Variants in ZNF197 observed in about 807,000 individuals in gnomAD.
ZNF197 encodes the protein zinc finger protein 197.
Under a neutral mutation model 27.4 loss-of-function variants are expected in ZNF197, and 14 were observed. The observed-to-expected ratio is 0.51, with a 90% CI of 0.34 to 0.80. The LOEUF (loss-of-function observed/expected upper bound fraction) is 0.80. Ranked by LOEUF, ZNF197 falls within the 30% of genes least tolerant of loss-of-function variation. The probability of loss-of-function intolerance (pLI) is 0.02; values close to 1 mark genes in which losing one functional copy is unlikely to be tolerated. For missense variants in ZNF197, 1,090 were observed against 1,222.6 expected (o/e 0.89, Z 1.62); for synonymous variants, 415 against 420.0 (o/e 0.99, Z 0.15).
rs1702912754 is a variant in ZNF197 at position 44,645,639 on chromosome 3, C to T, written c.*1419C>T. The T allele has an allele frequency of 4.1e-6, 4 of 985,212 alleles. No homozygotes were observed. Among genetic ancestry groups the T allele is most frequent in the South Asian group, 4.7e-5 (1 of 21,284 alleles). 61.0% of individuals were successfully genotyped at this position (985,212 alleles called of 1,614,324 possible). A position where few individuals can be genotyped will look rare whatever the true frequency, so the allele number is the denominator to read the frequency against. On this transcript the variant is annotated 3_prime_UTR_variant, in exon 6 of 6. Coordinates refer to ENST00000344387, the MANE Select transcript of ZNF197 (RefSeq NM_006991.5). ...TTCAGAGGGAAAAAAATCCTTGACCCGCAGTTGAGCTGATGATCCCTGCCA... is the reference window on the plus strand; with the variant it reads ...TTCAGAGGGAAAAAAATCCTTGACCTGCAGTTGAGCTGATGATCCCTGCCA...
At position 44,641,919 on chromosome 3, in the gene ZNF197, G is replaced by T; in HGVS notation, c.789G>T (p.Glu263Asp). Residue 263 changes from glutamate to aspartate, a missense_variant, in exon 6 of 6, where the codon GAG (glutamate) becomes GAT (aspartate). By Grantham distance (45) the Glu-to-Asp change is conservative. Coordinates refer to ENST00000344387, the MANE Select transcript of ZNF197 (RefSeq NM_006991.5). ...VTSLEWETMT[E>D]NEEVTSKPSS... Reference sequence around the variant, plus strand: ...TACCAGAATGGGAGACCATGACCGAGAATGAGGAGGTGACATCAAAGCCAA... The same window carrying T: ...TACCAGAATGGGAGACCATGACCGATAATGAGGAGGTGACATCAAAGCCAA... 6.3e-7 allele frequency: 1 copy of T among 1,599,238 alleles called. No homozygotes were observed. The highest frequency in any genetic ancestry group is 1.1e-5 in the South Asian group (1 of 88,606).
intron 5 of ZNF197, among the ~76,000 whole-genome samples, chr3:44,637,392 T>C (rs922043061): frequency 1.3e-5 from 2 of 152,186 alleles, no homozygotes; most frequent in Non-Finnish European, 1.5e-5. Context: ...CCTCCCCAAG[T>C]GTTGGCATTA....
rs1331859437 is a variant in ZNF197 at position 44,643,230 on chromosome 3, C to G, written c.2100C>G (p.His700Gln). ...NRNLIDHERL[H>Q]NGEKPYECRE... ...ACCTCATTGACCATGAGAGACTCCA[C>G]AATGGGGAGAAGCCATATGAATGTC... The change falls in exon 6 of 6, where the codon CAC becomes CAG. Residue 700 changes from histidine to glutamine, a missense_variant. Coordinates refer to ENST00000344387, the MANE Select transcript of ZNF197 (RefSeq NM_006991.5). 1.2e-6 allele frequency: 2 copies of G among 1,613,948 alleles called. No individual in the cohort carries two copies. Among genetic ancestry groups the G allele is most frequent in the Non-Finnish European group, 1.7e-6 (2 of 1,180,034 alleles).
rs2125833516 is a variant in ZNF197 at position 44,648,123 on chromosome 3, T to C, written c.*3903T>C. ...AACCAACTAAAGTGTGTGAAACTGA[T>C]TTGAAAAAAAGTTATAAAATACATG... On this transcript the variant is annotated 3_prime_UTR_variant, in exon 6 of 6. Coordinates refer to ENST00000344387, the MANE Select transcript of ZNF197 (RefSeq NM_006991.5). 6.6e-6 allele frequency: 1 copy of C among 152,230 alleles called. No homozygotes were observed. The highest frequency in any genetic ancestry group is 2.1e-4 in the South Asian group (1 of 4,824). 9.4% of individuals were successfully genotyped at this position (152,230 alleles called of 1,614,324 possible).
chr3:44,639,204 TC>T (rs1296477497), intron 5 of ZNF197, among the ~76,000 whole-genome samples: 3 of 152,226 alleles, frequency 2.0e-5, no homozygotes, highest in Non-Finnish European at 2.9e-5. Flanking sequence ...TCTTTTTATG[TC>T]CTGCTAGATT....
At chr3:44,628,459 A>T (rs542639868) in intron 1 of ZNF197, among the ~76,000 whole-genome samples, 7 of 152,380 alleles carry the variant, frequency 4.6e-5, no homozygotes, top group Non-Finnish European at 8.8e-5. Context: ...AAAGGCATGT[A>T]GAGCAAAACT....
Position 44,646,526 on chromosome 3 carries a change from A to G in ZNF197, c.*2306A>G, listed in dbSNP as rs765947616. On this transcript the variant is annotated 3_prime_UTR_variant, in exon 6 of 6. Transcript: ENST00000344387. ...ATACAGGAGGCAGAGGAACAAATAA[A>G]AGACACCACGAGAAACAGACACATC... The G allele has an allele frequency of 6.9e-7, 1 of 1,451,710 alleles. No homozygotes were observed. Among genetic ancestry groups the G allele is most frequent in the South Asian group, 1.1e-5 (1 of 87,766 alleles). The allele number at this position is 1,451,710 out of a possible 1,614,324, so 89.9% of individuals were successfully genotyped here. A position where few individuals can be genotyped will look rare whatever the true frequency, so the allele number is the denominator to read the frequency against.
Position 44,643,632 on chromosome 3 carries a change from A to AG in ZNF197, c.2503dup (p.Ala835GlyfsTer9). 1 of 1,614,160 alleles carries AG rather than the reference A, an allele frequency of 6.2e-7. No homozygotes were observed. The highest frequency in any genetic ancestry group is 1.3e-5 in the African/African-American group (1 of 75,046). On this transcript the variant is annotated frameshift_variant, in exon 6 of 6. Transcript: ENST00000344387. LOFTEE classifies it low-confidence loss of function (END_TRUNC). ...TCTTCAGTTACCGCTCAAACCTTATAGCCCATCAGAGGATCCATACTGGTG... is the reference window on the plus strand; with the variant it reads ...TCTTCAGTTACCGCTCAAACCTTATAGGCCCATCAGAGGATCCATACTGGTG...
intron 2 of ZNF197, among the ~76,000 whole-genome samples, chr3:44,630,208 T>C (rs1332284588): frequency 6.6e-6 from 1 of 152,140 alleles, no homozygotes; most frequent in Non-Finnish European, 1.5e-5. Context: ...TGGAGTGAGA[T>C]CCTGTCTTTA....
In ZNF197 at chr3:44,629,079, AC is replaced by A; in HGVS notation, c.-75del. 2 of 1,517,870 alleles carry A rather than the reference AC, an allele frequency of 1.3e-6. No individual in the cohort carries two copies. The highest frequency in any genetic ancestry group is 1.8e-6 in the Non-Finnish European group (2 of 1,136,874). 94.0% of individuals were successfully genotyped at this position (1,517,870 alleles called of 1,614,324 possible). On this transcript the variant is annotated 5_prime_UTR_variant, in exon 2 of 6. An upstream open reading frame in the 5' UTR loses its in-frame stop. Transcript: ENST00000344387. ...GATTTCTTGAGGTCTTGTAGATGAT[AC>A]TCTCCAAGCTGTAAGGAAGAAGTCA... is the stretch of plus-strand genomic sequence containing the variant.
At chr3:44,641,762 T>A in intron 5 of ZNF197, 138 bp from the exon 6 acceptor site, 2 of 989,702 alleles carry the variant, frequency 2.0e-6, no homozygotes, top group Non-Finnish European at 2.9e-6. Flanking sequence ...TCTTTGTACC[T>A]TCCTTTAATG....
Position 44,643,059 on chromosome 3 carries a change from C to T in ZNF197, c.1929C>T (p.Leu643=). 1 of 1,613,718 alleles carries T rather than the reference C, an allele frequency of 6.2e-7. No homozygotes were observed. Among genetic ancestry groups the T allele is most frequent in the Non-Finnish European group, 8.5e-7 (1 of 1,179,916 alleles). The change falls in exon 6 of 6, where the codon CTC becomes CTT. Residue 643 remains leucine, a synonymous_variant. Transcript: ENST00000344387. ...QSAYLFDHQR[L]HNGEKPYECN... ...CTTACCTTTTTGACCACCAGAGACTCCACAATGGGGAGAAGCCCTATGAAT... is the reference window on the plus strand; with the variant it reads ...CTTACCTTTTTGACCACCAGAGACTTCACAATGGGGAGAAGCCCTATGAAT...
Position 44,629,115 on chromosome 3 carries a change from G to A in ZNF197, c.-40G>A. On this transcript the variant is annotated 5_prime_UTR_variant, in exon 2 of 6. Coordinates refer to ENST00000344387, the MANE Select transcript of ZNF197 (RefSeq NM_006991.5). ...TGTAAGGAAGAAGTCAAGGATTAAG[G>A]AGACCTGGACTGGAGAGGAGCCTTT... 2 of 1,557,606 alleles carry A rather than the reference G, an allele frequency of 1.3e-6. No individual in the cohort carries two copies. Among genetic ancestry groups the A allele is most frequent in the Non-Finnish European group, 8.6e-7 (1 of 1,159,326 alleles).
chr3:44,644,545 G>C lies in ZNF197; in HGVS notation c.*325G>C, dbSNP rs1367879808. ...CCCAGCTACTCAGGAGGCTGAGACA[G>C]GAGAGTCGCTTGAACCTGGGAGGGC... is the stretch of plus-strand genomic sequence containing the variant. On this transcript the variant is annotated 3_prime_UTR_variant, in exon 6 of 6. Coordinates refer to ENST00000344387, the MANE Select transcript of ZNF197 (RefSeq NM_006991.5). 1 of 876,092 alleles carries C rather than the reference G, an allele frequency of 1.1e-6. No individual in the cohort carries two copies. Among genetic ancestry groups the C allele is most frequent in the Non-Finnish European group, 1.4e-6 (1 of 724,216 alleles). 54.3% of individuals were successfully genotyped at this position (876,092 alleles called of 1,614,324 possible). A position where few individuals can be genotyped will look rare whatever the true frequency, so the allele number is the denominator to read the frequency against.
rs1050005155 is a variant in ZNF197, at chr3:44,640,939, G to T, written c.770-961G>T. Among the ~76,000 whole-genome samples, 11 of 152,134 alleles carry T rather than the reference G, an allele frequency of 7.2e-5. No individual in the cohort carries two copies. Among genetic ancestry groups the T allele is most frequent in the Non-Finnish European group, 1.2e-4 (8 of 68,014 alleles). Reference sequence around the variant, plus strand: ...AAGAAATGTATAATGAAATAAAATGGCTGCACTCTTGTCTTCTCTCTCTGT... The same window carrying T: ...AAGAAATGTATAATGAAATAAAATGTCTGCACTCTTGTCTTCTCTCTCTGT... On this transcript the variant is annotated intron_variant, in intron 5 of 5. Transcript: ENST00000344387. The surrounding 1 kb of genome is among the most constrained non-coding windows in gnomAD (Gnocchi z 4.0).
rs374379374 is a variant in ZNF197, at chr3:44,641,905, G to C, written c.775G>C (p.Glu259Gln). The change falls in exon 6 of 6, where the codon GAG (glutamate) becomes CAG (glutamine). Residue 259 changes from glutamate to glutamine, a missense_variant. Transcript: ENST00000344387. ...NYGNVTSLEW[E>Q]TMTENEEVTS... ...TTTTTAATTCCTTTTACCAGAATGG[G>C]AGACCATGACCGAGAATGAGGAGGT... is the stretch of plus-strand genomic sequence containing the variant. 8 of 1,585,086 alleles carry C rather than the reference G, an allele frequency of 5.0e-6. No individual in the cohort carries two copies. The highest frequency in any genetic ancestry group is 1.7e-4 in the Middle Eastern group (1 of 5,930).
Position 44,646,010 on chromosome 3 carries a change from G to T in ZNF197, c.*1790G>T. On this transcript the variant is annotated 3_prime_UTR_variant, in exon 6 of 6. Coordinates refer to ENST00000344387, the MANE Select transcript of ZNF197 (RefSeq NM_006991.5). Reference sequence around the variant, plus strand: ...TGTGTTTTTTAATAATGTCAAAGTGGTGTGTTGATTATCATAAATGTTATT... The same window carrying T: ...TGTGTTTTTTAATAATGTCAAAGTGTTGTGTTGATTATCATAAATGTTATT... The T allele has an allele frequency of 1.0e-6, 1 of 985,380 alleles. No homozygotes were observed. The highest frequency in any genetic ancestry group is 1.2e-6 in the Non-Finnish European group (1 of 829,924). 61.0% of individuals were successfully genotyped at this position (985,380 alleles called of 1,614,324 possible). A position where few individuals can be genotyped will look rare whatever the true frequency, so the allele number is the denominator to read the frequency against.
Position 44,645,416 on chromosome 3 carries a change from AT to A in ZNF197, c.*1200del. On this transcript the variant is annotated 3_prime_UTR_variant, in exon 6 of 6. Coordinates refer to ENST00000344387, the MANE Select transcript of ZNF197 (RefSeq NM_006991.5). ...ACTGGAATTTAGTGTTCTAAGAATAATTTTGTTAAATTTACCTTTAAAAATA... is the reference window on the plus strand; with the variant it reads ...ACTGGAATTTAGTGTTCTAAGAATAATTTGTTAAATTTACCTTTAAAAATA... The A allele has an allele frequency of 8.1e-6, 8 of 985,310 alleles. No homozygotes were observed. Among genetic ancestry groups the A allele is most frequent in the Non-Finnish European group, 9.6e-6 (8 of 829,808 alleles). 61.0% of individuals were successfully genotyped at this position (985,310 alleles called of 1,614,324 possible). A position where few individuals can be genotyped will look rare whatever the true frequency, so the allele number is the denominator to read the frequency against.
chr3:44,642,438 T>C lies in ZNF197; in HGVS notation c.1308T>C (p.Ser436=), dbSNP rs1291739597. The change falls in exon 6 of 6, where the codon TCT becomes TCC. Residue 436 remains serine (S), a synonymous_variant. Transcript: ENST00000344387. ...GTAATGAATGTGGGAAAGCATTTTC[T>C]CAAAGTGCTTACCTTCTAAACCATC... is the stretch of plus-strand genomic sequence containing the variant. ...YKCNECGKAF[S]QSAYLLNHQR... is the part of the protein sequence containing the mutation. The C allele has an allele frequency of 3.1e-6, 5 of 1,614,120 alleles. No individual in the cohort carries two copies. The South Asian group carries it at 4.4e-5, about 14-fold the overall frequency.
Sources: gnomAD v4.1 joint callset for allele counts (sites outside exome capture counted in the v4.1 genomes callset) on GRCh38, gnomAD v4.1.1 for gene constraint, Gnocchi (gnomAD v3.1) non-coding constraint, MANE v1.5 for transcripts, NCBI Gene and HGNC (gene_info 2026-07-23, HGNC 2026-07-21) for gene names.